Variants in RASAL2 observed in about 807,000 individuals in gnomAD.
RASAL2 encodes ras GTPase-activating protein nGAP.
Under a neutral mutation model 128.9 loss-of-function variants are expected in RASAL2, and 58 were observed. That is an observed-to-expected ratio of 0.45 (90% confidence interval 0.36 to 0.56). The LOEUF (loss-of-function observed/expected upper bound fraction) is 0.56. RASAL2 is among the 20% of genes least tolerant of loss of function. The pLI is 0.00. For synonymous variants in RASAL2, 561 were observed against 580.8 expected, an observed-to-expected ratio of 0.97 and a Z score of 0.49; for missense variants, 1,360 against 1,601.6, an observed-to-expected ratio of 0.85 and a Z score of 2.57.
intron 1 of RASAL2, among the ~76,000 whole-genome samples, chr1:178,253,576 C>T (rs537669378): frequency 3.9e-5 from 6 of 151,934 alleles, no homozygotes; most frequent in African/African-American, 7.2e-5. Context: ...CGGGTGAGTC[C>T]GAAAGAGAGT....
chr1:178,106,725 C>T (rs1367408527), intron 1 of RASAL2, among the ~76,000 whole-genome samples: 2 of 152,030 alleles, frequency 1.3e-5, no homozygotes, highest in Non-Finnish European at 1.5e-5. Context: ...TAGAAAGATA[C>T]CCCAGATACA....
intron 3 of RASAL2, among the ~76,000 whole-genome samples, chr1:178,372,022 T>C (rs899913749): frequency 6.6e-6 from 1 of 152,168 alleles, no homozygotes; most frequent in Non-Finnish European, 1.5e-5. Flanking sequence ...TACCACCCTC[T>C]TTTAACCCTA....
At chr1:178,247,835 T>C (rs1354544423) in intron 1 of RASAL2, among the ~76,000 whole-genome samples, 1 of 152,214 alleles carries the variant, frequency 6.6e-6, no homozygotes, top group Non-Finnish European at 1.5e-5. Context: ...TACGCAGTAG[T>C]CATGCAGGAG....
intron 3 of RASAL2, among the ~76,000 whole-genome samples, chr1:178,370,577 C>CT (rs1671646728): frequency 1.3e-5 from 2 of 152,184 alleles, no homozygotes; most frequent in African/African-American, 4.8e-5. Context: ...GGTACTGTCA[C>CT]TTTAACTACT....
chr1:178,264,664 C>T (rs1297631559), intron 1 of RASAL2, among the ~76,000 whole-genome samples: 1 of 152,186 alleles, frequency 6.6e-6, no homozygotes, highest in East Asian at 1.9e-4. Context: ...AGGGCAGGTA[C>T]TTCTGTCCCT....
intron 3 of RASAL2, among the ~76,000 whole-genome samples, chr1:178,336,166 G>T (rs1237950061): frequency 6.7e-6 from 1 of 150,066 alleles, no homozygotes; most frequent in African/African-American, 2.5e-5. Flanking sequence ...GGAAATCGCT[G>T]TTGTAATTTT....
chr1:178,306,205 T>C (rs1034792418), intron 3 of RASAL2, among the ~76,000 whole-genome samples: 3 of 152,234 alleles, frequency 2.0e-5, no homozygotes, highest in Non-Finnish European at 2.9e-5. Context: ...ATTTCATCCA[T>C]GTCCCTACAA....
chr1:178,099,777 A>G (rs915055896), intron 1 of RASAL2, among the ~76,000 whole-genome samples: 7 of 152,088 alleles, frequency 4.6e-5, no homozygotes, highest in Non-Finnish European at 1.0e-4. Flanking sequence ...CCTGGCCAAC[A>G]TGGTGAAACC....
At chr1:178,149,103 C>T (rs1174070567) in intron 1 of RASAL2, among the ~76,000 whole-genome samples, 1 of 151,834 alleles carries the variant, frequency 6.6e-6, no homozygotes, top group Non-Finnish European at 1.5e-5. Context: ...GTAAAAATAC[C>T]CTTGTTGAGT....
intron 3 of RASAL2, chr1:178,341,484 A>G: frequency 1.3e-6 from 2 of 1,561,420 alleles, no homozygotes; most frequent in East Asian, 4.6e-5. Context: ...AATGAGAGCA[A>G]AAAGGGAGAG....
At chr1:178,422,956 A>G (rs1165492782) in intron 5 of RASAL2, among the ~76,000 whole-genome samples, 1 of 152,118 alleles carries the variant, frequency 6.6e-6, no homozygotes, top group African/African-American at 2.4e-5. Flanking sequence ...CTATCTCCCC[A>G]CATAAATAAC....
intron 9 of RASAL2, among the ~76,000 whole-genome samples, chr1:178,446,438 G>GAA: frequency 6.6e-6 from 1 of 152,220 alleles, no homozygotes; most frequent in East Asian, 1.9e-4. Context: ...TATTAAAAAG[G>GAA]ATGAAGAGAA....
chr1:178,330,525 C>A (rs1181269544), intron 3 of RASAL2, among the ~76,000 whole-genome samples: 1 of 152,006 alleles, frequency 6.6e-6, no homozygotes, highest in African/African-American at 2.4e-5. Flanking sequence ...AAGTGGAGTT[C>A]TTTTTGACAA....
intron 3 of RASAL2, among the ~76,000 whole-genome samples, chr1:178,334,213 C>T (rs997036438): frequency 1.3e-5 from 2 of 151,886 alleles, no homozygotes; most frequent in East Asian, 1.9e-4. Flanking sequence ...AATTTTTAAC[C>T]TCTTGAAAGT....
intron 14 of RASAL2, among the ~76,000 whole-genome samples, chr1:178,461,963 G>A (rs910924010): frequency 5.9e-5 from 9 of 152,200 alleles, no homozygotes; most frequent in Non-Finnish European, 8.8e-5. Context: ...GCCCTAAAGC[G>A]TTACTGTTTT....
intron 1 of RASAL2, among the ~76,000 whole-genome samples, chr1:178,100,706 G>C (rs1658864318): frequency 6.6e-6 from 1 of 152,150 alleles, no homozygotes; most frequent in South Asian, 2.1e-4. Context: ...GGAAGGATGA[G>C]GTAAGTTGAA....
intron 1 of RASAL2, among the ~76,000 whole-genome samples, chr1:178,124,326 A>G (rs1490795937): frequency 6.6e-6 from 1 of 152,030 alleles, no homozygotes; most frequent in African/African-American, 2.4e-5. Flanking sequence ...TCACAACTGG[A>G]GTAGGGGGGT....
intron 1 of RASAL2, among the ~76,000 whole-genome samples, chr1:178,167,465 A>C (rs1253075081): frequency 6.6e-6 from 1 of 152,142 alleles, no homozygotes; most frequent in South Asian, 2.1e-4. Flanking sequence ...CTATTTATAA[A>C]TAAGAGATTG....
At chr1:178,110,516 AGT>A (rs1200349051) in intron 1 of RASAL2, among the ~76,000 whole-genome samples, 1 of 145,726 alleles carries the variant, frequency 6.9e-6, no homozygotes, top group South Asian at 2.1e-4. Flanking sequence ...TAGCATATAT[AGT>A]GTATATATAT....
Sources: allele counts gnomAD v4.1 joint callset (sites outside exome capture counted in the v4.1 genomes callset), GRCh38; gene constraint gnomAD v4.1.1; transcripts MANE v1.5; gene names NCBI Gene and HGNC (gene_info 2026-07-23, HGNC 2026-07-21).